Variants in SREK1 observed in about 807,000 individuals in gnomAD.
SREK1 encodes the protein splicing regulatory glutamine/lysine-rich protein 1.
In SREK1, 13 loss-of-function variants were observed where a neutral mutation model predicts 66.5. That is an observed-to-expected ratio of 0.20 (90% CI 0.13 to 0.31). SREK1 has a LOEUF of 0.31. SREK1 is among the 10% of genes least tolerant of loss of function. The pLI is 1.00. For missense variants in SREK1, 607 were observed against 769.6 expected, an observed-to-expected ratio of 0.79 and a Z score of 2.50; for synonymous variants, 265 against 263.5, an observed-to-expected ratio of 1.01 and a Z score of -0.05.
At chr5:66,162,747 C>A (rs564719512) in intron 5 of SREK1, 155 bp downstream of exon 5, 3 of 600,242 alleles carry the variant, frequency 5.0e-6, no homozygotes, top group Admixed American at 3.6e-5. Context: ...GAGATACTTA[C>A]CATTTTAGTC....
chr5:66,177,369 T>G, intron 10 of SREK1, 145 bp from the exon 11 acceptor site: 1 of 688,306 alleles, frequency 1.5e-6, no homozygotes, highest in Non-Finnish European at 2.2e-6. Flanking sequence ...GGCTCATTTA[T>G]GTTACTTTGC....
intron 9 of SREK1, among the ~76,000 whole-genome samples, chr5:66,172,032 G>A (rs1561514625): frequency 1.3e-5 from 2 of 152,188 alleles, no homozygotes; most frequent in Non-Finnish European, 1.5e-5. Flanking sequence ...TACCTCAGAA[G>A]CATAAAGTTG....
chr5:66,176,684 GT>G (rs2112108954), intron 10 of SREK1, among the ~76,000 whole-genome samples: 1 of 152,080 alleles, frequency 6.6e-6, no homozygotes, highest in East Asian at 1.9e-4. Flanking sequence ...ATATTTCATC[GT>G]TTGTTTCATA....
At chr5:66,151,493 T>G (rs1479528735) in intron 1 of SREK1, among the ~76,000 whole-genome samples, 4 of 152,162 alleles carry the variant, frequency 2.6e-5, no homozygotes, top group Admixed American at 2.6e-4. Context: ...GTATGATATC[T>G]TTTACTGAAA....
intron 2 of SREK1, chr5:66,156,097 C>T: frequency 1.3e-6 from 2 of 1,517,644 alleles, no homozygotes; most frequent in Non-Finnish European, 1.8e-6. Context: ...ACCTGTTACA[C>T]TTGCCTGAGT....
rs1305709838 is a variant in SREK1, at chr5:66,179,433, T to G, written c.*565T>G. 2 of 152,530 alleles carry G rather than the reference T, an allele frequency of 1.3e-5. No individual in the cohort carries two copies. The highest frequency in any genetic ancestry group is 2.9e-5 in the Non-Finnish European group (2 of 67,980). 9.4% of individuals were successfully genotyped at this position (152,530 alleles called of 1,614,324 possible). ...ATTGTGTTTTCTTTTGCTCACTGTT[T>G]AGGACAATTTTTCTTTAAAATAGTT... is the stretch of plus-strand genomic sequence containing the variant. On this transcript the variant is annotated 3_prime_UTR_variant, in exon 12 of 12. Coordinates refer to ENST00000334121, the MANE Select transcript of SREK1 (RefSeq NM_001077199.3).
rs375201018 is a variant in SREK1, at chr5:66,164,833, C to T, written c.937C>T (p.Arg313Cys). Residue 313 changes from arginine to cysteine, a missense_variant, in exon 7 of 12, where the codon CGC becomes TGC. Arg to Cys is a radical substitution (Grantham distance 180). This residue lies in a region of SREK1 where 112 missense variants were observed against 168.6 expected (regional missense o/e 0.66). Transcript: ENST00000334121. ...RKGGRSRSHT[R>C]SKSRSSSKSH... ...AGGCGGTCGATCTCGTTCCCATACTCGCTCAAAATCCAGGTCTAGCTCAAA... is the reference window on the plus strand; with the variant it reads ...AGGCGGTCGATCTCGTTCCCATACTTGCTCAAAATCCAGGTCTAGCTCAAA... 6.2e-6 allele frequency: 10 copies of T among 1,613,928 alleles called. No homozygotes were observed. The highest frequency in any genetic ancestry group is 1.7e-5 in the Admixed American group (1 of 59,984).
At position 66,144,397 on chromosome 5, in the gene SREK1, C is replaced by G; in HGVS notation, c.21C>G (p.Phe7Leu). 1 of 1,548,810 alleles carries G rather than the reference C, an allele frequency of 6.5e-7. No homozygotes were observed. ...TCGGGATGAACAGCGGCGGCGGCTT[C>G]GGTTTGGGCTTAGGCTTCGGCCTCA... MNSGGG[F>L]GLGLGFGLTP... Residue 7 changes from phenylalanine to leucine, a missense_variant, in exon 1 of 12, where the codon TTC becomes TTG. Coordinates refer to ENST00000334121, the MANE Select transcript of SREK1 (RefSeq NM_001077199.3).
intron 2 of SREK1, 80 bp from the exon 3 acceptor site, chr5:66,159,139 G>A: frequency 6.6e-7 from 1 of 1,515,114 alleles, no homozygotes; most frequent in Non-Finnish European, 8.8e-7. Context: ...TTTTTTAACT[G>A]CAAGGGTAAT....
At chr5:66,156,258 CTT>C (rs1158462954) in intron 2 of SREK1, 2 of 1,308,420 alleles carry the variant, frequency 1.5e-6, no homozygotes, top group African/African-American at 3.1e-5. Context: ...TATTTTGTCC[CTT>C]TTTTTGTTTT....
In SREK1 at chr5:66,175,085, AAAT is replaced by A. The variant is rs779326562; in HGVS notation, c.1580+46_1580+48del. The stretch of plus-strand genomic sequence containing the variant: ...CTAAAACTAAACAGGAGAAAGCAAT[AAAT>A]ATTTTTTGAAATTTTAAATTTCTCT... On this transcript the variant is annotated intron_variant, in intron 10 of 11. Coordinates refer to ENST00000334121, the MANE Select transcript of SREK1 (RefSeq NM_001077199.3). The A allele has an allele frequency of 2.7e-5, 40 of 1,473,542 alleles. No homozygotes were observed. In the Middle Eastern group the frequency reaches 7.1e-4, roughly 26 times the overall value. The allele number at this position is 1,473,542 out of a possible 1,614,324, so 91.3% of individuals were successfully genotyped here.
intron 7 of SREK1, 42 bp downstream of exon 7, chr5:66,164,939 T>C (rs769875940): frequency 6.5e-7 from 1 of 1,538,696 alleles, no homozygotes. Context: ...ATTTTAGTTT[T>C]GTATTTAAAA....
At chr5:66,164,762 A>C in intron 6 of SREK1, 21 bp from the exon 7 acceptor site, 1 of 1,613,900 alleles carries the variant, frequency 6.2e-7, no homozygotes, top group Non-Finnish European at 8.5e-7. Flanking sequence ...CTTACACTGC[A>C]AAGTGATTTT....
Position 66,179,004 on chromosome 5 carries a change from A to T in SREK1, c.*136A>T. On this transcript the variant is annotated 3_prime_UTR_variant, in exon 12 of 12. Transcript: ENST00000334121. The stretch of plus-strand genomic sequence containing the variant: ...TAACAGCTTTTCCAGTTGTTAGATG[A>T]CTTTGTGGCCATCTTGTTATTGAGT... The T allele has an allele frequency of 3.1e-6, 3 of 966,932 alleles. No individual in the cohort carries two copies. The East Asian group carries it at 8.5e-5, about 27-fold the overall frequency. 59.9% of individuals were successfully genotyped at this position (966,932 alleles called of 1,614,324 possible).
At chr5:66,146,213 C>G (rs192839456) in intron 1 of SREK1, among the ~76,000 whole-genome samples, 162 of 152,178 alleles carry the variant, frequency 1.1e-3, no homozygotes, top group Middle Eastern at 0.01. Flanking sequence ...AGTGCCGTAT[C>G]CTGCAGGCAT....
chr5:66,153,796 A>G (rs1305296167), intron 2 of SREK1, 200 bp downstream of exon 2: 2 of 554,396 alleles, frequency 3.6e-6, no homozygotes, highest in Admixed American at 4.2e-5. Flanking sequence ...GAGGTTTTAC[A>G]ATTTAACATT....
At chr5:66,176,569 T>C (rs1013174557) in intron 10 of SREK1, among the ~76,000 whole-genome samples, 3 of 152,150 alleles carry the variant, frequency 2.0e-5, no homozygotes, top group African/African-American at 7.2e-5. Context: ...AAGTCGTCTG[T>C]CCAGGAATAT....
chr5:66,167,887 C>T (rs1745302873), intron 7 of SREK1: 1 of 152,112 alleles, frequency 6.6e-6, no homozygotes, highest in Non-Finnish European at 1.5e-5. Flanking sequence ...GAAGCAAAGG[C>T]ACTTTAAAAG....
rs1746626875 is a variant in SREK1, at chr5:66,183,100, A to T, written c.*4232A>T. 1 of 152,170 alleles carries T rather than the reference A, an allele frequency of 6.6e-6. No homozygotes were observed. The highest frequency in any genetic ancestry group is 1.5e-5 in the Non-Finnish European group (1 of 68,002). 9.4% of individuals were successfully genotyped at this position (152,170 alleles called of 1,614,324 possible). Reference sequence around the variant, plus strand: ...AAATTTATATCTAGTTAACATTTTAATTTTAAAATTGCCAACTTTTGGGAG... The same window carrying T: ...AAATTTATATCTAGTTAACATTTTATTTTTAAAATTGCCAACTTTTGGGAG... On this transcript the variant is annotated 3_prime_UTR_variant, in exon 12 of 12. Transcript: ENST00000334121.
Sources: allele counts gnomAD v4.1 joint callset (sites outside exome capture counted in the v4.1 genomes callset), GRCh38; gene constraint gnomAD v4.1.1; regional missense constraint gnomAD v4.1.1; transcripts MANE v1.5; gene names NCBI Gene and HGNC (gene_info 2026-07-23, HGNC 2026-07-21).